NAV2: variants seen among roughly 807,000 people sequenced by gnomAD.
NAV2 encodes neuron navigator 2, also known as helicase, APC down-regulated 1.
NAV2 carries 54 observed loss-of-function variants against 223.2 expected under a neutral mutation model. The ratio of observed to expected loss-of-function variants is 0.24; its 90% confidence interval spans 0.19 to 0.30. The LOEUF is 0.30. Among genes scored for constraint, NAV2 ranks in the 10% least tolerant of loss-of-function variants. NAV2 has a pLI of 1.00. For synonymous variants in NAV2, 1,279 were observed against 1,239.3 expected (o/e 1.03, Z -0.67); for missense variants, 2,806 against 3,147.5 (o/e 0.89, Z 2.60).
chr11:19,358,379 T>A (rs1481426991), intron 1 of NAV2, among the ~76,000 whole-genome samples: 1 of 152,102 alleles, frequency 6.6e-6, no homozygotes, highest in Non-Finnish European at 1.5e-5. Context: ...ATTCCTGACA[T>A]GGGAATTGGA....
chr11:19,464,165 G>A lies in NAV2; in HGVS notation c.75+113138G>A, dbSNP rs1013343696. Reference sequence around the variant, plus strand: ...TGGGCCAGAGCAGCCCAGAGCACCCGTTTCCATCACGAGCTGACTGCAGGC... The same window carrying A: ...TGGGCCAGAGCAGCCCAGAGCACCCATTTCCATCACGAGCTGACTGCAGGC... On this transcript the variant is annotated intron_variant, in intron 1 of 37. Coordinates refer to the NAV2 transcript ENST00000360655. 2.8e-4 allele frequency among the ~76,000 whole-genome samples: 43 copies of A among 152,280 alleles called. 1 individual carries two copies. The highest frequency in any genetic ancestry group is 1.0e-3 in the African/African-American group (42 of 41,558).
intron 1 of NAV2, among the ~76,000 whole-genome samples, chr11:19,623,705 T>C (rs191658820): frequency 6.6e-6 from 1 of 152,334 alleles, no homozygotes; most frequent in East Asian, 1.9e-4. Context: ...TTGCGATGGG[T>C]TCGAACATCC....
chr11:19,504,496 G>C (rs971090871), intron 1 of NAV2: 1 of 152,116 alleles, frequency 6.6e-6, no homozygotes, highest in Non-Finnish European at 1.5e-5. Flanking sequence ...AGGGAGGGAG[G>C]TTCCTGTTAG....
chr11:20,103,272 G>A lies in NAV2; in HGVS notation c.6435G>A (p.Leu2145=), dbSNP rs775408976. Residue 2145 remains leucine (L), a synonymous_variant, in exon 33 of 38, where the codon CTG becomes CTA. Transcript: ENST00000349880. ...HKSSKELRQY[L]SNLADQCNSE... The stretch of plus-strand genomic sequence containing the variant: ...CACCATAGGAATTGCGCCAGTACCT[G>A]TCCAACCTTGCTGACCAGTGCAACA... The A allele has an allele frequency of 1.5e-5, 25 of 1,613,658 alleles. 1 individual carries two copies. The South Asian group carries it at 2.4e-4, about 16-fold the overall frequency.
intron 37 of NAV2, among the ~76,000 whole-genome samples, chr11:20,116,032 C>G (rs2063062219): frequency 6.6e-6 from 1 of 152,090 alleles, no homozygotes; most frequent in African/African-American, 2.4e-5. Flanking sequence ...AAATCAAAAG[C>G]CCAGTAAAAT....
intron 28 of NAV2, among the ~76,000 whole-genome samples, chr11:20,092,781 G>GCCC (rs2060942448): frequency 1.3e-5 from 2 of 152,120 alleles, no homozygotes; most frequent in African/African-American, 2.4e-5. Flanking sequence ...CACAATCTAG[G>GCCC]TTTTCTTTGT....
At chr11:20,029,185 G>T (rs183915101) in intron 11 of NAV2, among the ~76,000 whole-genome samples, 1 of 152,162 alleles carries the variant, frequency 6.6e-6, no homozygotes, top group African/African-American at 2.4e-5. Context: ...AAGGACGTCC[G>T]TTGGAAAGGA....
At chr11:19,955,460 A>G (rs894628514) in intron 10 of NAV2, among the ~76,000 whole-genome samples, 2 of 152,194 alleles carry the variant, frequency 1.3e-5, no homozygotes, top group Non-Finnish European at 2.9e-5. Context: ...ATTCCGCTAA[A>G]TGAATTTGTG....
rs759271604 is a variant in NAV2 at position 20,049,926 on chromosome 11, C to G, written c.4436+25C>G. Reference sequence around the variant, plus strand: ...GGTAATGACATTGCAGGCCGGGGACCAACCGAGCCTCTAGGTTCTTCTGCC... The same window carrying G: ...GGTAATGACATTGCAGGCCGGGGACGAACCGAGCCTCTAGGTTCTTCTGCC... On this transcript the variant is annotated intron_variant, in intron 16 of 37. Transcript: ENST00000349880. The G allele has an allele frequency of 5.0e-6, 8 of 1,610,570 alleles. No homozygotes were observed. The South Asian group carries it at 6.6e-5, about 13-fold the overall frequency.
At chr11:19,915,274 A>T (rs555211939) in intron 6 of NAV2, among the ~76,000 whole-genome samples, 2 of 152,248 alleles carry the variant, frequency 1.3e-5, no homozygotes, top group African/African-American at 4.8e-5. Context: ...GTCAGAAGTT[A>T]TCTCATTTTC....
chr11:19,435,880 A>C (rs1313460640), intron 1 of NAV2, among the ~76,000 whole-genome samples: 1 of 152,158 alleles, frequency 6.6e-6, no homozygotes, highest in Non-Finnish European at 1.5e-5. Flanking sequence ...CATTTCAGAA[A>C]GTATTCAAGT....
At chr11:20,075,431 C>T (rs534936783) in intron 22 of NAV2, among the ~76,000 whole-genome samples, 7 of 151,926 alleles carry the variant, frequency 4.6e-5, no homozygotes, top group East Asian at 1.9e-4. Flanking sequence ...TTAGTAGAGA[C>T]GGGGTTTCAC....
chr11:19,794,885 TCAA>T (rs1434134217), intron 1 of NAV2, among the ~76,000 whole-genome samples: 2 of 152,188 alleles, frequency 1.3e-5, no homozygotes, highest in Non-Finnish European at 2.9e-5. Context: ...TTCCCCTCCC[TCAA>T]CTCCAGGAAT....
intron 1 of NAV2, among the ~76,000 whole-genome samples, chr11:19,430,423 C>G (rs1051910548): frequency 1.3e-5 from 2 of 152,202 alleles, no homozygotes; most frequent in African/African-American, 4.8e-5. Flanking sequence ...CCTCTTGAGA[C>G]AGTTCAAACC....
intron 1 of NAV2, among the ~76,000 whole-genome samples, chr11:19,787,266 GGATCTTTTTT>G: frequency 1.2e-5 from 1 of 83,016 alleles, no homozygotes; most frequent in African/African-American, 5.0e-5. Flanking sequence ...AATTTTTATT[GGATCTTTTTT>G]TTTTTTTTTT....
At chr11:20,004,472 G>A (rs1011041688) in intron 11 of NAV2, among the ~76,000 whole-genome samples, 2 of 152,180 alleles carry the variant, frequency 1.3e-5, no homozygotes, top group African/African-American at 4.8e-5. Flanking sequence ...CATTGTAAAT[G>A]CAGGGCTCTG....
At chr11:19,828,592 G>A (rs572661887) in intron 1 of NAV2, among the ~76,000 whole-genome samples, 2 of 152,376 alleles carry the variant, frequency 1.3e-5, no homozygotes, top group South Asian at 4.1e-4. Context: ...GGGCTCAGGT[G>A]ATCCCCCCAC....
chr11:19,803,885 G>A (rs2058407082), intron 1 of NAV2, among the ~76,000 whole-genome samples: 3 of 152,210 alleles, frequency 2.0e-5, no homozygotes, highest in South Asian at 2.1e-4. Flanking sequence ...GTGGCTTATC[G>A]AATTGGAAAG....
chr11:19,935,864 T>TTTTTTTTTTTTGTTG (rs2045839298), intron 7 of NAV2, among the ~76,000 whole-genome samples: 6 of 101,178 alleles, frequency 5.9e-5, no homozygotes, highest in Admixed American at 2.1e-4. Context: ...TTTTTTTTTT[T>TTTTTTTTTTTTGTTG]TTTTTTTTTT....
Sources: allele counts gnomAD v4.1 joint callset (sites outside exome capture counted in the v4.1 genomes callset), GRCh38; gene constraint gnomAD v4.1.1; transcripts MANE v1.5; gene names NCBI Gene and HGNC (gene_info 2026-07-23, HGNC 2026-07-21).